Variants in IVNS1ABP observed in about 807,000 individuals in gnomAD.
IVNS1ABP encodes influenza virus NS1A binding protein.
Under a neutral mutation model 78.9 loss-of-function variants are expected in IVNS1ABP, and 25 were observed. The ratio of observed to expected loss-of-function variants is 0.32; its 90% CI spans 0.23 to 0.44. The LOEUF (loss-of-function observed/expected upper bound fraction) is 0.44. IVNS1ABP is among the 20% of genes least tolerant of loss of function. IVNS1ABP has a pLI of 1.00. For synonymous variants in IVNS1ABP, 241 were observed against 259.7 expected (o/e 0.93, Z 0.69); for missense variants, 494 against 768.9 (o/e 0.64, Z 4.23).
intron 1 of IVNS1ABP, among the ~76,000 whole-genome samples, chr1:185,313,922 C>T (rs1665948789): frequency 6.6e-6 from 1 of 152,122 alleles, no homozygotes; most frequent in African/African-American, 2.4e-5. Flanking sequence ...TTTAATAACA[C>T]CCAGAAGTTC....
At chr1:185,308,127 AAATT>A (rs1665788908) in intron 5 of IVNS1ABP, 11 of 1,328,800 alleles carry the variant, frequency 8.3e-6, no homozygotes, top group Non-Finnish European at 1.1e-5. Flanking sequence ...TATGTACTGT[AAATT>A]AAGGAAGGAT....
Position 185,301,037 on chromosome 1 carries a change from G to A in IVNS1ABP, c.1055C>T (p.Ser352Phe). ...ACCAGATCGTGCGTACTGCATAGGAGACATGGGCTTTTCGATTAGCTCATC... is the reference window on the plus strand; with the variant it reads ...ACCAGATCGTGCGTACTGCATAGGAAACATGGGCTTTTCGATTAGCTCATC... The part of the protein sequence containing the change: ...QQDELIEKPM[S>F]PMQYARSGLG... Residue 352 changes from serine to phenylalanine, a missense_variant, in exon 10 of 15, where the codon TCT becomes TTT. Ser to Phe is a radical substitution (Grantham distance 155, BLOSUM62 -2). Coordinates refer to ENST00000367498, the MANE Select transcript of IVNS1ABP (RefSeq NM_006469.5). 2 of 1,613,536 alleles carry A rather than the reference G, an allele frequency of 1.2e-6. No homozygotes were observed. Among genetic ancestry groups the A allele is most frequent in the Non-Finnish European group, 8.5e-7 (1 of 1,179,686 alleles).
Position 185,300,857 on chromosome 1 carries a change from C to T in IVNS1ABP, c.1120+115G>A, listed in dbSNP as rs1009684294. 5.2e-6 allele frequency: 4 copies of T among 774,958 alleles called. No homozygotes were observed. In the Admixed American group the frequency reaches 1.0e-4, roughly 20 times the overall value. 48.0% of individuals were successfully genotyped at this position (774,958 alleles called of 1,614,324 possible). A position where few individuals can be genotyped will look rare whatever the true frequency, so the allele number is the denominator to read the frequency against. On this transcript the variant is annotated intron_variant, in intron 10 of 14. Coordinates refer to ENST00000367498, the MANE Select transcript of IVNS1ABP (RefSeq NM_006469.5). ...GCCATATTCAATAGTATTGTTATTTCCCTATCTTATTGGATTGCCGTGAAA... is the reference window on the plus strand; with the variant it reads ...GCCATATTCAATAGTATTGTTATTTTCCTATCTTATTGGATTGCCGTGAAA...
intron 8 of IVNS1ABP, among the ~76,000 whole-genome samples, chr1:185,302,945 A>T (rs1665639492): frequency 6.6e-6 from 1 of 152,116 alleles, no homozygotes; most frequent in South Asian, 2.1e-4. Context: ...AAACAGATTT[A>T]CACTATGACA....
intron 10 of IVNS1ABP, 188 bp from the exon 11 acceptor site, chr1:185,300,746 T>C (rs929112208): frequency 2.8e-6 from 2 of 703,678 alleles, no homozygotes; most frequent in Admixed American, 3.0e-5. Flanking sequence ...ACAAATAAAC[T>C]GCTTAGTCTT....
Position 185,298,193 on chromosome 1 carries a change from T to G in IVNS1ABP, c.1771A>C (p.Asn591His). 1 of 1,613,858 alleles carries G rather than the reference T, an allele frequency of 6.2e-7. No individual in the cohort carries two copies. The highest frequency in any genetic ancestry group is 1.1e-5 in the South Asian group (1 of 91,086). ...PTRNEWKMMG[N>H]MTSPRSNAGI... ...GCATTGCTCCTTGGTGAAGTCATAT[T>G]TCCCATCATCTTCCATTCATTTCTA... Residue 591 changes from asparagine (N) to histidine (H), a missense_variant, in exon 15 of 15, where the codon AAT becomes CAT. Physicochemically the swap from Asn to His is moderately conservative, Grantham distance 68. Coordinates refer to ENST00000367498, the MANE Select transcript of IVNS1ABP (RefSeq NM_006469.5). The surrounding 1 kb of genome is among the most constrained non-coding windows in gnomAD (Gnocchi z 4.1).
At position 185,300,997 on chromosome 1, in the gene IVNS1ABP, C is replaced by T. The variant is rs1169305571; in HGVS notation, c.1095G>A (p.Glu365=). Residue 365 remains glutamate, a synonymous_variant, in exon 10 of 15, where the codon GAG becomes GAA. Coordinates refer to ENST00000367498, the MANE Select transcript of IVNS1ABP (RefSeq NM_006469.5). ...CTGCAGCTATGAGTTTGCCATTCAT[C>T]TCTGCTGTTCCCAGACCAGATCGTG... The part of the protein sequence containing the change: ...QYARSGLGTA[E]MNGKLIAAGG... 1.9e-6 allele frequency: 3 copies of T among 1,613,390 alleles called. No homozygotes were observed. The highest frequency in any genetic ancestry group is 2.5e-6 in the Non-Finnish European group (3 of 1,179,588).
At position 185,301,375 on chromosome 1, in the gene IVNS1ABP, A is replaced by G. The variant is rs116763089; in HGVS notation, c.895+59T>C. 1,615 of 1,586,686 alleles carry G rather than the reference A, an allele frequency of 1.0e-3. 14 individuals are homozygous for G. In the African/African-American group the frequency reaches 0.02, roughly 19 times the overall value. On this transcript the variant is annotated intron_variant, in intron 9 of 14. Transcript: ENST00000367498. Reference sequence around the variant, plus strand: ...TCAATTTAAGAGGTATTAAATTGGCAACACTCCTTCTTAAAAATAGGTAAG... The same window carrying G: ...TCAATTTAAGAGGTATTAAATTGGCGACACTCCTTCTTAAAAATAGGTAAG...
intron 2 of IVNS1ABP, among the ~76,000 whole-genome samples, chr1:185,310,854 G>A (rs1665868954): frequency 6.6e-6 from 1 of 151,482 alleles, no homozygotes; most frequent in Non-Finnish European, 1.5e-5. Flanking sequence ...CTCCAGCCTG[G>A]ACAACAGAGA....
intron 1 of IVNS1ABP, among the ~76,000 whole-genome samples, chr1:185,313,606 G>A (rs1214070897): frequency 6.6e-6 from 1 of 152,082 alleles, no homozygotes; most frequent in East Asian, 1.9e-4. Flanking sequence ...TCCCCAAATT[G>A]ACGGGAGATC....
At position 185,301,214 on chromosome 1, in the gene IVNS1ABP, C is replaced by T; in HGVS notation, c.896-18G>A. Reference sequence around the variant, plus strand: ...AGTGTTATCTGTAAGCACAAGAGTTCCATGTTTAAGATGTAATTATTACTT... The same window carrying T: ...AGTGTTATCTGTAAGCACAAGAGTTTCATGTTTAAGATGTAATTATTACTT... On this transcript the variant is annotated intron_variant, in intron 9 of 14. Coordinates refer to ENST00000367498, the MANE Select transcript of IVNS1ABP (RefSeq NM_006469.5). The T allele has an allele frequency of 6.3e-7, 1 of 1,592,078 alleles. No individual in the cohort carries two copies. The highest frequency in any genetic ancestry group is 8.6e-7 in the Non-Finnish European group (1 of 1,161,398).
chr1:185,299,531 T>C (rs1041703126), intron 14 of IVNS1ABP, 179 bp downstream of exon 14: 5 of 644,278 alleles, frequency 7.8e-6, no homozygotes, highest in Non-Finnish European at 1.4e-5. Flanking sequence ...GTATTATAAG[T>C]CTTTGATTAG....
chr1:185,309,731 C>G (rs1665835151), intron 2 of IVNS1ABP, among the ~76,000 whole-genome samples: 1 of 152,158 alleles, frequency 6.6e-6, no homozygotes, highest in South Asian at 2.1e-4. Context: ...AGGATTCAAA[C>G]AGTAGCAGCT....
chr1:185,301,700 C>G, intron 8 of IVNS1ABP, 137 bp from the exon 9 acceptor site: 1 of 847,108 alleles, frequency 1.2e-6, no homozygotes, highest in Non-Finnish European at 1.8e-6. Context: ...TAACTCAAGC[C>G]AACACTTTCC....
Position 185,300,078 on chromosome 1 carries a change from A to G in IVNS1ABP, c.1422T>C (p.Tyr474=). 6.2e-7 allele frequency: 1 copy of G among 1,613,560 alleles called. No homozygotes were observed. Among genetic ancestry groups the G allele is most frequent in the Non-Finnish European group, 8.5e-7 (1 of 1,179,698 alleles). The stretch of plus-strand genomic sequence containing the variant: ...CACAATTTTTCAGTCCTTTTTGACC[A>G]TATGGATCAGAGCCACCAACGATGT... ...KLYIVGGSDP[Y]GQKGLKNCDV... The change falls in exon 13 of 15, where the codon TAT becomes TAC. Residue 474 remains tyrosine (Y), a synonymous_variant. Coordinates refer to ENST00000367498, the MANE Select transcript of IVNS1ABP (RefSeq NM_006469.5).
intron 6 of IVNS1ABP, 50 bp downstream of exon 6, chr1:185,307,439 C>T: frequency 1.4e-6 from 2 of 1,389,404 alleles, no homozygotes. Context: ...ACCAAGATTC[C>T]ACGCCTGGAA....
In IVNS1ABP at chr1:185,305,799, T is replaced by C; in HGVS notation, c.658-156A>G. ...GGATCCGGAGGTAAAGAAAAATACA[T>C]GTCATGGTGGTAAAAATTAAAAAAC... On this transcript the variant is annotated intron_variant, in intron 7 of 14. Coordinates refer to ENST00000367498, the MANE Select transcript of IVNS1ABP (RefSeq NM_006469.5). This position sits in a 1 kb window ranked among gnomAD's most constrained non-coding sequence, Gnocchi z 4.0. 1.4e-6 allele frequency: 1 copy of C among 722,278 alleles called. No homozygotes were observed. Among genetic ancestry groups the C allele is most frequent in the Non-Finnish European group, 2.0e-6 (1 of 489,978 alleles). The allele number at this position is 722,278 out of a possible 1,614,324, so 44.7% of individuals were successfully genotyped here.
rs1665523848 is a variant in IVNS1ABP at position 185,299,880 on chromosome 1, C to G, written c.1505G>C (p.Arg502Thr). Reference protein sequence around the residue: ...WTSCAPLNIRRHQSAVCELGG... With the variant: ...WTSCAPLNIRTHQSAVCELGG... ...AAGCTCACAGACTGCAGACTGGTGT[C>G]TCCCTACAAGAAAAGTCAAGTCAAG... The change falls in exon 14 of 15, where the codon AGA (arginine) becomes ACA (threonine). Residue 502 changes from arginine (R) to threonine (T), a missense_variant. By Grantham distance (71) the Arg-to-Thr change is moderately conservative. Coordinates refer to ENST00000367498, the MANE Select transcript of IVNS1ABP (RefSeq NM_006469.5). 3 of 1,613,534 alleles carry G rather than the reference C, an allele frequency of 1.9e-6. No homozygotes were observed. The highest frequency in any genetic ancestry group is 2.5e-6 in the Non-Finnish European group (3 of 1,179,768).
At chr1:185,306,772 A>T in intron 7 of IVNS1ABP, 1 of 676,130 alleles carries the variant, frequency 1.5e-6, no homozygotes, top group South Asian at 2.2e-5. Flanking sequence ...ATTACATGCT[A>T]CTTTAAAGAA....
Sources: gnomAD v4.1 joint callset for allele counts (sites outside exome capture counted in the v4.1 genomes callset) on GRCh38, gnomAD v4.1.1 for gene constraint, Gnocchi (gnomAD v3.1) non-coding constraint, MANE v1.5 for transcripts, NCBI Gene and HGNC (gene_info 2026-07-23, HGNC 2026-07-21) for gene names.